GRIK2: variants seen among roughly 807,000 people sequenced by gnomAD.
GRIK2 encodes glutamate ionotropic receptor kainate type subunit 2, also known as glutamate receptor ionotropic, kainate 2.
A neutral mutation model predicts 100.3 loss-of-function variants in GRIK2; 32 were observed. The ratio of observed to expected loss-of-function variants is 0.32; its 90% CI spans 0.24 to 0.43. The LOEUF (loss-of-function observed/expected upper bound fraction) is 0.43, where lower values mean the gene tolerates loss of function less well. Among genes scored for constraint, GRIK2 ranks in the 20% least tolerant of loss-of-function variants. The pLI is 1.00. For synonymous variants in GRIK2, 417 were observed against 389.4 expected, an observed-to-expected ratio of 1.07 and a Z score of -0.83; for missense variants, 843 against 1,114.9, an observed-to-expected ratio of 0.76 and a Z score of 3.47.
chr6:101,768,132 T>G (rs1778150505), intron 7 of GRIK2, among the ~76,000 whole-genome samples: 1 of 152,174 alleles, frequency 6.6e-6, no homozygotes, highest in South Asian at 2.1e-4. Flanking sequence ...GTGCTGGGAT[T>G]ACAGGCATGA....
rs1784612889 is a variant in GRIK2, at chr6:101,859,394, C to A, written c.1425C>A (p.Gly475=). 1.9e-6 allele frequency: 3 copies of A among 1,602,320 alleles called. No individual in the cohort carries two copies. Among genetic ancestry groups the A allele is most frequent in the Non-Finnish European group, 2.6e-6 (3 of 1,169,404 alleles). ...TCAGAGAGTTATCTACAATCCTTGG[C>A]TTTACATATGAAATTAGACTTGTGG... ...DLLRELSTIL[G]FTYEIRLVED... The change falls in exon 11 of 17, where the codon GGC becomes GGA. Residue 475 remains glycine, a synonymous_variant. Transcript: ENST00000369134.
chr6:101,874,019 G>T (rs1785625250), intron 11 of GRIK2, among the ~76,000 whole-genome samples: 6 of 151,856 alleles, frequency 4.0e-5, no homozygotes, highest in Non-Finnish European at 8.8e-5. Flanking sequence ...TGAGTAGATT[G>T]CAAAAATTTT....
chr6:101,557,531 A>G (rs1295340380), intron 2 of GRIK2, among the ~76,000 whole-genome samples: 1 of 152,194 alleles, frequency 6.6e-6, no homozygotes, highest in Non-Finnish European at 1.5e-5. Context: ...ACAGTTTAAT[A>G]AAGTGGGGTT....
chr6:102,001,035 T>C (rs1193587966), intron 14 of GRIK2, among the ~76,000 whole-genome samples: 1 of 152,056 alleles, frequency 6.6e-6, no homozygotes, highest in East Asian at 1.9e-4. Flanking sequence ...GAGCTGAATT[T>C]TGAAAAAATA....
chr6:102,019,286 G>A (rs957770174), intron 14 of GRIK2, among the ~76,000 whole-genome samples: 2 of 151,966 alleles, frequency 1.3e-5, no homozygotes, highest in Non-Finnish European at 1.5e-5. Flanking sequence ...CATAGCAAAG[G>A]CAGCATTCCT....
chr6:101,562,759 T>G (rs932656380), intron 2 of GRIK2, among the ~76,000 whole-genome samples: 4 of 152,142 alleles, frequency 2.6e-5, no homozygotes, highest in Non-Finnish European at 5.9e-5. Flanking sequence ...ATGTAAAACA[T>G]CAAGTTGAGT....
At chr6:101,916,226 CATTT>C (rs1229692868) in intron 12 of GRIK2, among the ~76,000 whole-genome samples, 3 of 151,298 alleles carry the variant, frequency 2.0e-5, no homozygotes, top group Admixed American at 6.6e-5. Flanking sequence ...TAAAAAATAA[CATTT>C]ATTCCATAAT....
At chr6:101,896,095 T>C (rs1467602155) in intron 12 of GRIK2, among the ~76,000 whole-genome samples, 6 of 151,884 alleles carry the variant, frequency 4.0e-5, no homozygotes, top group Non-Finnish European at 5.9e-5. Flanking sequence ...ATGTACCTCT[T>C]TATTTTAGTG....
intron 9 of GRIK2, among the ~76,000 whole-genome samples, chr6:101,818,168 G>C (rs576036806): frequency 1.3e-5 from 2 of 152,280 alleles, no homozygotes; most frequent in South Asian, 4.1e-4. Flanking sequence ...TCAGTGGATC[G>C]TTTTGTTCTT....
chr6:101,421,516 A>G (rs900176885), intron 2 of GRIK2, among the ~76,000 whole-genome samples: 15 of 152,196 alleles, frequency 9.9e-5, no homozygotes, highest in Admixed American at 6.5e-4. Flanking sequence ...TTCCAAAGGG[A>G]GAAAGGGAGA....
rs558389397 is a variant in GRIK2, at chr6:101,448,108, T to G, written c.115+48716T>G. Among the ~76,000 whole-genome samples, 9 of 151,854 alleles carry G rather than the reference T, an allele frequency of 5.9e-5. No homozygotes were observed. In the East Asian group the frequency reaches 1.4e-3, roughly 23 times the overall value. ...AGAGGCATCAATCTTTCATAATATG[T>G]ACTGTTTTAGAGTTAGTCTACCTAA... On this transcript the variant is annotated intron_variant, in intron 2 of 16. Coordinates refer to ENST00000369134, the MANE Select transcript of GRIK2 (RefSeq NM_021956.5).
intron 10 of GRIK2, among the ~76,000 whole-genome samples, chr6:101,848,591 CTT>C (rs1783940341): frequency 6.6e-6 from 1 of 152,062 alleles, no homozygotes; most frequent in Non-Finnish European, 1.5e-5. Context: ...CTACATGCAT[CTT>C]GTTAAACTTC....
chr6:101,603,575 A>G (rs1053909596), intron 2 of GRIK2, among the ~76,000 whole-genome samples: 1 of 151,740 alleles, frequency 6.6e-6, no homozygotes, highest in Admixed American at 6.6e-5. Flanking sequence ...TTTATGATTT[A>G]ACATGTTTTT....
intron 4 of GRIK2, among the ~76,000 whole-genome samples, chr6:101,638,482 G>A (rs1781126426): frequency 6.6e-6 from 1 of 151,782 alleles, no homozygotes; most frequent in African/African-American, 2.4e-5. Flanking sequence ...TTAGAAAATG[G>A]CATTTGAACT....
chr6:101,545,822 T>A (rs1191289415), intron 2 of GRIK2, among the ~76,000 whole-genome samples: 1 of 152,190 alleles, frequency 6.6e-6, no homozygotes, highest in Non-Finnish European at 1.5e-5. Context: ...ATCTTATAAT[T>A]AGCTTTCCCT....
At chr6:101,992,367 A>C (rs1279584829) in intron 14 of GRIK2, among the ~76,000 whole-genome samples, 1 of 151,620 alleles carries the variant, frequency 6.6e-6, no homozygotes, top group Admixed American at 6.6e-5. Flanking sequence ...AATTGCATAG[A>C]TAAAAGCCTA....
rs1271377910 is a variant in GRIK2, at chr6:102,063,664, T to C, written c.2563-4683T>C. The stretch of plus-strand genomic sequence containing the variant: ...GAAGTTAAGCTTTTAAGAATAAATA[T>C]TCTGTAACATCAACAATGATATTCT... On this transcript the variant is annotated intron_variant, in intron 16 of 16. Transcript: ENST00000369134. 9.3e-5 allele frequency among the ~76,000 whole-genome samples: 14 copies of C among 150,616 alleles called. No individual in the cohort carries two copies. In the Admixed American group the frequency reaches 9.3e-4, roughly 10 times the overall value.
At chr6:101,688,766 T>G (rs200375048) in intron 7 of GRIK2, among the ~76,000 whole-genome samples, 1 of 152,016 alleles carries the variant, frequency 6.6e-6, no homozygotes, top group East Asian at 1.9e-4. Context: ...TCCTTTGGTA[T>G]AGTTCTTAAA....
At chr6:101,770,672 G>A (rs1241112116) in intron 7 of GRIK2, among the ~76,000 whole-genome samples, 1 of 152,166 alleles carries the variant, frequency 6.6e-6, no homozygotes, top group Non-Finnish European at 1.5e-5. Flanking sequence ...TGTTTTTGGA[G>A]TCCTTTATGA....
Sources: allele counts gnomAD v4.1 joint callset (sites outside exome capture counted in the v4.1 genomes callset), GRCh38; gene constraint gnomAD v4.1.1; transcripts MANE v1.5; gene names NCBI Gene and HGNC (gene_info 2026-07-23, HGNC 2026-07-21).